Variants in PRKCH observed in about 807,000 individuals in gnomAD.
The protein encoded by PRKCH is protein kinase C eta type.
In PRKCH, 28 loss-of-function variants were observed where a neutral mutation model predicts 82.5. The observed-to-expected ratio is 0.34, with a 90% CI of 0.25 to 0.47. The LOEUF (loss-of-function observed/expected upper bound fraction) is 0.47. PRKCH is among the 20% of genes least tolerant of loss of function. PRKCH has a pLI of 1.00. For missense variants in PRKCH, 705 were observed against 881.8 expected (o/e 0.80, Z 2.54); for synonymous variants, 322 against 327.4 (o/e 0.98, Z 0.18).
intron 1 of PRKCH, among the ~76,000 whole-genome samples, chr14:61,346,014 G>T (rs773880525): frequency 1.3e-5 from 2 of 152,152 alleles, no homozygotes; most frequent in African/African-American, 4.8e-5. Context: ...GCCTTTTAAG[G>T]CTATATGCCT....
chr14:61,527,222 A>G (rs1177248756), intron 10 of PRKCH, among the ~76,000 whole-genome samples: 1 of 152,070 alleles, frequency 6.6e-6, no homozygotes, highest in Non-Finnish European at 1.5e-5. Context: ...TTCCACATGA[A>G]TTTGCTCTTA....
intron 3 of PRKCH, among the ~76,000 whole-genome samples, chr14:61,445,055 GCC>G (rs1316089555): frequency 6.6e-6 from 1 of 152,184 alleles, no homozygotes; most frequent in Non-Finnish European, 1.5e-5. Flanking sequence ...TTGGTTCAGT[GCC>G]TGGCACATCC....
chr14:61,235,574 G>A (rs1481178611), intron 1 of PRKCH, among the ~76,000 whole-genome samples: 1 of 152,152 alleles, frequency 6.6e-6, no homozygotes, highest in South Asian at 2.1e-4. Context: ...CTGTTTTACA[G>A]TACTAGGTAT....
chr14:61,480,712 C>T (rs549547669), intron 9 of PRKCH, among the ~76,000 whole-genome samples: 1 of 152,228 alleles, frequency 6.6e-6, no homozygotes, highest in South Asian at 2.1e-4. Context: ...CAGCAGAGAC[C>T]CTGCACTTCT....
intron 2 of PRKCH, among the ~76,000 whole-genome samples, chr14:61,394,198 C>T (rs887718498): frequency 2.6e-5 from 4 of 152,012 alleles, no homozygotes; most frequent in African/African-American, 9.7e-5. Flanking sequence ...TTCAATATAT[C>T]GTCTGCATTA....
At chr14:61,448,603 G>A (rs1456460904) in intron 4 of PRKCH, among the ~76,000 whole-genome samples, 1 of 152,188 alleles carries the variant, frequency 6.6e-6, no homozygotes, top group Non-Finnish European at 1.5e-5. Flanking sequence ...TATTTTCATG[G>A]AAGAGACATT....
In PRKCH at chr14:61,415,137, T is replaced by C. The variant is rs145952589; in HGVS notation, c.427+23849T>C. 2.8e-3 allele frequency among the ~76,000 whole-genome samples: 422 copies of C among 152,120 alleles called. 2 individuals carry two copies. The highest frequency in any genetic ancestry group is 9.4e-3 in the African/African-American group (391 of 41,560). On this transcript the variant is annotated intron_variant, in intron 2 of 13. Coordinates refer to ENST00000332981, the MANE Select transcript of PRKCH (RefSeq NM_006255.5). ...CACTGTCTTCACTCCATTTCTGTCA[T>C]TGCCTTCTTCTGAACACTGAAGCTT...
intron 1 of PRKCH, among the ~76,000 whole-genome samples, chr14:61,389,726 T>C (rs2046646320): frequency 6.6e-6 from 1 of 151,322 alleles, no homozygotes; most frequent in Non-Finnish European, 1.5e-5. Context: ...GAAAAAATGC[T>C]AAATAATGAT....
intron 7 of PRKCH, among the ~76,000 whole-genome samples, chr14:61,454,930 T>TCCCTTCTC (rs1375760335): frequency 1.3e-5 from 2 of 152,184 alleles, no homozygotes; most frequent in Non-Finnish European, 1.5e-5. Flanking sequence ...GAAGTGCAAT[T>TCCCTTCTC]ACTGTGAGAT....
intron 1 of PRKCH, among the ~76,000 whole-genome samples, chr14:61,289,297 A>C (rs943665915): frequency 6.6e-6 from 1 of 152,250 alleles, no homozygotes; most frequent in Non-Finnish European, 1.5e-5. Flanking sequence ...TAGGCTGGGC[A>C]TAAAAATCTT....
chr14:61,245,269 C>T (rs187870985), intron 1 of PRKCH, among the ~76,000 whole-genome samples: 3 of 152,312 alleles, frequency 2.0e-5, no homozygotes, highest in Non-Finnish European at 2.9e-5. Context: ...AGAGCCCCAG[C>T]AGATAGGCAA....
intron 10 of PRKCH, among the ~76,000 whole-genome samples, chr14:61,518,180 C>T (rs1457260985): frequency 6.6e-6 from 1 of 152,172 alleles, no homozygotes; most frequent in Non-Finnish European, 1.5e-5. Context: ...CCCTTAGCCA[C>T]CAAAGGTCTG....
At chr14:61,278,117 C>G (rs894497042) in intron 1 of PRKCH, 1 of 152,020 alleles carries the variant, frequency 6.6e-6, no homozygotes, top group Non-Finnish European at 1.5e-5. Context: ...AATATACTGA[C>G]CATTCTAAAA....
intron 1 of PRKCH, among the ~76,000 whole-genome samples, chr14:61,188,738 T>TGTGTGTGTGTGTGA (rs1459793910): frequency 1.4e-5 from 2 of 145,650 alleles, no homozygotes; most frequent in Non-Finnish European, 3.0e-5. Flanking sequence ...TGTGTGTGTG[T>TGTGTGTGTGTGTGA]GATGGAGTTT....
At position 61,203,586 on chromosome 14, in the gene PRKCH, T is replaced by C. The variant is rs970299734; in HGVS notation, c.-19+15918T>C. 4.6e-5 allele frequency among the ~76,000 whole-genome samples: 7 copies of C among 152,094 alleles called. No homozygotes were observed. In the South Asian group the frequency reaches 8.3e-4, roughly 18 times the overall value. On this transcript the variant is annotated intron_variant, in intron 1 of 3. Coordinates refer to the PRKCH transcript ENST00000555185. ...CAAAGCCTGACTCCCAAGGTTGGCATTGGGGGCATCTCTTGTGGAGACAGC... is the reference window on the plus strand; with the variant it reads ...CAAAGCCTGACTCCCAAGGTTGGCACTGGGGGCATCTCTTGTGGAGACAGC...
chr14:61,237,843 C>G (rs749775114), intron 1 of PRKCH, among the ~76,000 whole-genome samples: 1 of 152,238 alleles, frequency 6.6e-6, no homozygotes, highest in Non-Finnish European at 1.5e-5. Context: ...CACTTGCGGT[C>G]AGGCCTTCCT....
At chr14:61,494,399 A>T (rs1886576389) in intron 10 of PRKCH, among the ~76,000 whole-genome samples, 1 of 152,238 alleles carries the variant, frequency 6.6e-6, no homozygotes, top group African/African-American at 2.4e-5. Flanking sequence ...ATAGAAAAAG[A>T]TCACTTACTT....
chr14:61,213,986 A>G (rs2044600451), intron 1 of PRKCH, among the ~76,000 whole-genome samples: 1 of 152,220 alleles, frequency 6.6e-6, no homozygotes, highest in Non-Finnish European at 1.5e-5. Context: ...ACATTAAACA[A>G]GTTAGCATAT....
chr14:61,421,619 A>C (rs1295019405), intron 2 of PRKCH, among the ~76,000 whole-genome samples: 1 of 152,176 alleles, frequency 6.6e-6, no homozygotes, highest in Non-Finnish European at 1.5e-5. Flanking sequence ...TTGTAGTTCT[A>C]GCAGTAGTGT....
Sources: allele counts gnomAD v4.1 joint callset (sites outside exome capture counted in the v4.1 genomes callset), GRCh38; gene constraint gnomAD v4.1.1; transcripts MANE v1.5; gene names NCBI Gene and HGNC (gene_info 2026-07-23, HGNC 2026-07-21).